The following DMXL2 variants were observed in gnomAD, a reference collection of about 807,000 sequenced individuals.
DMXL2 encodes Dmx like 2.
Under a neutral mutation model 331.1 loss-of-function variants are expected in DMXL2, and 103 were observed. That is an observed-to-expected ratio of 0.31 (90% CI 0.27 to 0.37). The LOEUF (loss-of-function observed/expected upper bound fraction) is 0.37. DMXL2 is among the 10% of genes least tolerant of loss of function. The pLI, the probability that DMXL2 is intolerant of heterozygous loss-of-function variation, is 1.00. For synonymous variants in DMXL2, 1,281 were observed against 1,252.1 expected, an observed-to-expected ratio of 1.02 and a Z score of -0.49; for missense variants, 3,171 against 3,642.9, an observed-to-expected ratio of 0.87 and a Z score of 3.33.
At chr15:51,522,942 G>A (rs886224325) in intron 13 of DMXL2, among the ~76,000 whole-genome samples, 1 of 152,122 alleles carries the variant, frequency 6.6e-6, no homozygotes, top group Admixed American at 6.5e-5. Context: ...CTATCTCCAT[G>A]CTTCCAGTAC....
At chr15:51,476,779 T>C in intron 26 of DMXL2, 60 bp from the exon 27 acceptor site, 3 of 1,430,558 alleles carry the variant, frequency 2.1e-6, no homozygotes, top group Non-Finnish European at 2.8e-6. Context: ...TTGCACTTTA[T>C]GTATATCATC....
Position 51,499,048 on chromosome 15 carries a change from C to A in DMXL2, c.4176G>T (p.Lys1392Asn). 1 of 1,613,958 alleles carries A rather than the reference C, an allele frequency of 6.2e-7. No homozygotes were observed. Among genetic ancestry groups the A allele is most frequent in the African/African-American group, 1.3e-5 (1 of 75,056 alleles). Residue 1392 changes from lysine to asparagine, a missense_variant, in exon 18 of 44, where the codon AAG (lysine) becomes AAT (asparagine). Coordinates refer to ENST00000560891, the MANE Select transcript of DMXL2 (RefSeq NM_001378457.1). ...CACTAATAGTTCGAGAGAGATGTCG[C>A]TTAGTTCCTTCTCCAGCATCAGGAT... ...VRDPDAGEGT[K>N]RHLSRTISVS... is the part of the protein sequence containing the mutation.
At chr15:51,501,774 G>T (rs1263931571) in intron 17 of DMXL2, among the ~76,000 whole-genome samples, 4 of 148,994 alleles carry the variant, frequency 2.7e-5, no homozygotes. Context: ...CAAAAAATTA[G>T]CCAGGCATGG....
intron 7 of DMXL2, among the ~76,000 whole-genome samples, chr15:51,546,273 T>A (rs1014405500): frequency 6.6e-6 from 1 of 152,104 alleles, no homozygotes; most frequent in African/African-American, 2.4e-5. Context: ...CGGCATGGCA[T>A]GGAGCAGCTA....
In DMXL2 at chr15:51,536,423, T is replaced by C; in HGVS notation, c.2057A>G (p.Asp686Gly). 7 of 1,613,980 alleles carry C rather than the reference T, an allele frequency of 4.3e-6. No individual in the cohort carries two copies. The highest frequency in any genetic ancestry group is 5.9e-6 in the Non-Finnish European group (7 of 1,179,930). Residue 686 changes from aspartate (D) to glycine (G), a missense_variant, in exon 12 of 44, where the codon GAC (aspartate) becomes GGC (glycine). By Grantham distance (94) the Asp-to-Gly change is moderately conservative. Around this residue, in one of 7 missense-constraint regions of DMXL2, gnomAD observed 1,674 missense variants for 1,780.2 expected, o/e 0.94. Transcript: ENST00000560891. ...TPELDCQWDS[D>G]NKLSRLMDPV... ...GTCCATTAATCTACTTAATTTATTGTCTGAGTCCCACTGACAATCTAATTC... is the reference window on the plus strand; with the variant it reads ...GTCCATTAATCTACTTAATTTATTGCCTGAGTCCCACTGACAATCTAATTC...
chr15:51,580,566 C>T (rs2051340251), intron 1 of DMXL2, among the ~76,000 whole-genome samples: 1 of 152,176 alleles, frequency 6.6e-6, no homozygotes, highest in Non-Finnish European at 1.5e-5. Flanking sequence ...GCTCTTCTAA[C>T]AGTACTGACC....
intron 13 of DMXL2, among the ~76,000 whole-genome samples, chr15:51,531,051 C>T (rs1347486827): frequency 1.3e-5 from 2 of 151,978 alleles, no homozygotes; most frequent in Non-Finnish European, 2.9e-5. Flanking sequence ...CATATGGAAC[C>T]ACAAAAGACC....
At chr15:51,586,600 A>G (rs763075913) in intron 1 of DMXL2, among the ~76,000 whole-genome samples, 11 of 152,160 alleles carry the variant, frequency 7.2e-5, no homozygotes, top group Non-Finnish European at 1.5e-4. Flanking sequence ...AAAACTAGCC[A>G]ATTTTGATAA....
intron 1 of DMXL2, among the ~76,000 whole-genome samples, chr15:51,604,624 T>C (rs992081180): frequency 6.6e-6 from 1 of 152,188 alleles, no homozygotes; most frequent in East Asian, 1.9e-4. Flanking sequence ...TATAGACATA[T>C]GTTCATAATT....
intron 15 of DMXL2, among the ~76,000 whole-genome samples, chr15:51,513,928 G>C (rs1451901357): frequency 6.6e-6 from 1 of 152,018 alleles, no homozygotes; most frequent in Non-Finnish European, 1.5e-5. Flanking sequence ...TTTTTGAAAG[G>C]GTTAAACTAC....
At chr15:51,531,100 C>T (rs1282776834) in intron 13 of DMXL2, among the ~76,000 whole-genome samples, 1 of 152,062 alleles carries the variant, frequency 6.6e-6, no homozygotes. Context: ...AAGAACAAAA[C>T]TGGAAAAATC....
At chr15:51,619,333 G>A (rs887282641) in intron 1 of DMXL2, among the ~76,000 whole-genome samples, 1 of 152,146 alleles carries the variant, frequency 6.6e-6, no homozygotes, top group Admixed American at 6.5e-5. Flanking sequence ...TTGTTCAAAA[G>A]GTGATGTTTT....
At chr15:51,582,141 T>G (rs554988236) in intron 1 of DMXL2, among the ~76,000 whole-genome samples, 1 of 152,172 alleles carries the variant, frequency 6.6e-6, no homozygotes, top group African/African-American at 2.4e-5. Context: ...ACAAGTATTA[T>G]ACTATTTTCA....
At chr15:51,576,868 A>G (rs1270411394) in intron 1 of DMXL2, among the ~76,000 whole-genome samples, 1 of 152,224 alleles carries the variant, frequency 6.6e-6, no homozygotes, top group East Asian at 1.9e-4. Context: ...ATGAATTTAT[A>G]TAGAATATTG....
chr15:51,468,660 A>G (rs1425191192), intron 29 of DMXL2, among the ~76,000 whole-genome samples: 1 of 152,198 alleles, frequency 6.6e-6, no homozygotes, highest in Non-Finnish European at 1.5e-5. Context: ...CAGCAAATAC[A>G]TGAAAAATGA....
chr15:51,579,274 T>C (rs1410785705), intron 1 of DMXL2, among the ~76,000 whole-genome samples: 1 of 152,194 alleles, frequency 6.6e-6, no homozygotes, highest in Non-Finnish European at 1.5e-5. Flanking sequence ...CCATGATTAC[T>C]GCTAGAATGG....
intron 40 of DMXL2, among the ~76,000 whole-genome samples, 155 bp downstream of exon 40, chr15:51,454,996 C>CT (rs2039498865): frequency 6.6e-6 from 1 of 152,074 alleles, no homozygotes; most frequent in South Asian, 2.1e-4. Flanking sequence ...CAGTCTAAAA[C>CT]TAGGGTAAGG....
At chr15:51,599,018 TC>T (rs2053037725) in intron 1 of DMXL2, among the ~76,000 whole-genome samples, 1 of 152,190 alleles carries the variant, frequency 6.6e-6, no homozygotes, top group African/African-American at 2.4e-5. Flanking sequence ...AGAAGAGCGT[TC>T]CTTATTTGTG....
intron 1 of DMXL2, among the ~76,000 whole-genome samples, chr15:51,586,448 AG>A (rs1222723197): frequency 6.6e-6 from 1 of 152,208 alleles, no homozygotes; most frequent in Non-Finnish European, 1.5e-5. Flanking sequence ...AGCGTTTATG[AG>A]TAAGTGGTAA....
Sources: gnomAD v4.1 joint callset for allele counts (sites outside exome capture counted in the v4.1 genomes callset) on GRCh38, gnomAD v4.1.1 for gene constraint, gnomAD v4.1.1 regional missense constraint, MANE v1.5 for transcripts, NCBI Gene and HGNC (gene_info 2026-07-23, HGNC 2026-07-21) for gene names.